ROBO1: variants seen among roughly 807,000 people sequenced by gnomAD.
ROBO1 encodes the protein roundabout guidance receptor 1, also known as roundabout homolog 1.
A neutral mutation model predicts 195.9 loss-of-function variants in ROBO1; 149 were observed. That is an observed-to-expected ratio of 0.76 (90% CI 0.67 to 0.87). The LOEUF (loss-of-function observed/expected upper bound fraction) is 0.87, where lower values mean the gene tolerates loss of function less well. Ranked by LOEUF, ROBO1 falls within the 40% of genes least tolerant of loss-of-function variation. The pLI, the probability that ROBO1 is intolerant of heterozygous loss-of-function variation, is 0.00. For synonymous variants in ROBO1, 816 were observed against 733.2 expected (o/e 1.11, Z -1.82); for missense variants, 1,933 against 2,068.3 (o/e 0.93, Z 1.27).
chr3:79,104,557 G>C (rs2079740802), intron 3 of ROBO1, among the ~76,000 whole-genome samples: 2 of 151,478 alleles, frequency 1.3e-5, no homozygotes, highest in Admixed American at 6.6e-5. Context: ...TTCTTATTGA[G>C]TTACTGCTTA....
intron 3 of ROBO1, among the ~76,000 whole-genome samples, chr3:79,057,496 A>G (rs1373467679): frequency 1.3e-5 from 2 of 151,978 alleles, no homozygotes; most frequent in African/African-American, 4.8e-5. Flanking sequence ...TGGCACACCA[A>G]ATCAAAATGG....
intron 3 of ROBO1, among the ~76,000 whole-genome samples, chr3:78,949,954 T>C (rs2040680803): frequency 6.6e-6 from 1 of 152,078 alleles, no homozygotes; most frequent in South Asian, 2.1e-4. Flanking sequence ...ATCAAAACTA[T>C]AATGAGATAC....
At chr3:79,060,068 G>C (rs914636368) in intron 3 of ROBO1, among the ~76,000 whole-genome samples, 1 of 151,960 alleles carries the variant, frequency 6.6e-6, no homozygotes, top group Non-Finnish European at 1.5e-5. Context: ...TCTCTAAAAT[G>C]GTCGCTCTGA....
chr3:79,097,162 C>T (rs2079585824), intron 3 of ROBO1, among the ~76,000 whole-genome samples: 3 of 151,758 alleles, frequency 2.0e-5, no homozygotes, highest in Non-Finnish European at 4.4e-5. Flanking sequence ...AGAGTCTACA[C>T]ATGGAACCAC....
chr3:79,095,463 G>C (rs1452412383), intron 3 of ROBO1, among the ~76,000 whole-genome samples: 2 of 151,974 alleles, frequency 1.3e-5, no homozygotes, highest in Non-Finnish European at 2.9e-5. Flanking sequence ...ACCAGCCACT[G>C]GTGACTAGCT....
intron 2 of ROBO1, among the ~76,000 whole-genome samples, chr3:79,354,613 C>A (rs566569986): frequency 6.6e-6 from 1 of 152,230 alleles, no homozygotes; most frequent in African/African-American, 2.4e-5. Flanking sequence ...TCAAGCACAG[C>A]AGGGCTCTCA....
intron 2 of ROBO1, among the ~76,000 whole-genome samples, chr3:79,473,294 T>C (rs1393602999): frequency 6.6e-6 from 1 of 151,980 alleles, no homozygotes; most frequent in Admixed American, 6.6e-5. Flanking sequence ...AGCCAAAGAA[T>C]GCGAAGGGTT....
intron 1 of ROBO1, among the ~76,000 whole-genome samples, chr3:79,729,342 A>G (rs1348043560): frequency 6.6e-6 from 1 of 152,190 alleles, no homozygotes; most frequent in East Asian, 1.9e-4. Flanking sequence ...GGTTATGACT[A>G]AAAGGCTTAC....
chr3:78,659,660 A>T (rs1575860815), intron 17 of ROBO1, 26 bp downstream of exon 17: 6 of 1,346,180 alleles, frequency 4.5e-6, no homozygotes, highest in East Asian at 2.8e-5. Flanking sequence ...TCAGGACATT[A>T]ATATATATAT....
At chr3:79,626,485 T>G (rs1213160711) in intron 1 of ROBO1, among the ~76,000 whole-genome samples, 3 of 152,102 alleles carry the variant, frequency 2.0e-5, no homozygotes, top group African/African-American at 7.2e-5. Flanking sequence ...AACTAGGTAT[T>G]GATGGACCAT....
chr3:79,714,170 A>T (rs899417516), intron 1 of ROBO1, among the ~76,000 whole-genome samples: 2 of 152,156 alleles, frequency 1.3e-5, no homozygotes, highest in Admixed American at 6.6e-5. Flanking sequence ...AAACAACTCC[A>T]TCAAAAAGTG....
At chr3:79,570,863 C>T (rs1169606063) in intron 2 of ROBO1, among the ~76,000 whole-genome samples, 2 of 152,046 alleles carry the variant, frequency 1.3e-5, no homozygotes, top group Non-Finnish European at 2.9e-5. Flanking sequence ...AATTAAAGTT[C>T]ATCATTACAG....
intron 1 of ROBO1, among the ~76,000 whole-genome samples, chr3:79,664,207 C>T (rs1946409242): frequency 6.6e-6 from 1 of 151,960 alleles, no homozygotes. Flanking sequence ...GGTCAATGAT[C>T]ACCTCTTAGT....
intron 3 of ROBO1, among the ~76,000 whole-genome samples, chr3:79,025,521 G>T (rs2108287539): frequency 6.6e-6 from 1 of 152,192 alleles, no homozygotes; most frequent in Admixed American, 6.5e-5. Context: ...CTGAATGAAT[G>T]AATGAGTTTT....
intron 21 of ROBO1, among the ~76,000 whole-genome samples, chr3:78,644,345 C>T (rs1237098670): frequency 6.6e-6 from 1 of 152,118 alleles, no homozygotes; most frequent in Non-Finnish European, 1.5e-5. Flanking sequence ...AATTTTTATA[C>T]ACTTTGCTTA....
chr3:79,766,818 T>C (rs1705025166), intron 1 of ROBO1, among the ~76,000 whole-genome samples: 1 of 152,176 alleles, frequency 6.6e-6, no homozygotes, highest in Non-Finnish European at 1.5e-5. Context: ...GTTTCATCAA[T>C]AATGCAGAGG....
chr3:79,641,889 G>A (rs1467801880), intron 1 of ROBO1, among the ~76,000 whole-genome samples: 5 of 152,006 alleles, frequency 3.3e-5, no homozygotes, highest in Admixed American at 6.6e-5. Flanking sequence ...CATGAGGCCT[G>A]GTACCTGTAG....
rs775718100 is a variant in ROBO1, at chr3:78,634,042, T to C, written c.3374A>G (p.Asp1125Gly). ...NIVEQNKLNK[D>G]YRANDTVPPT... ...AGGAACTGTGTCATTTGCTCGATAA[T>C]CTAGACATATCAGATGAAAAAACAA... Residue 1125 changes from aspartate (D) to glycine (G), a missense_variant and splice_region_variant, in exon 24 of 31, where the codon GAT becomes GGT. Transcript: ENST00000464233. The C allele has an allele frequency of 6.3e-7, 1 of 1,578,074 alleles. No homozygotes were observed. The highest frequency in any genetic ancestry group is 8.7e-7 in the Non-Finnish European group (1 of 1,152,936).
intron 1 of ROBO1, among the ~76,000 whole-genome samples, chr3:79,730,028 TAAC>T (rs1380313579): frequency 1.3e-5 from 2 of 152,218 alleles, no homozygotes; most frequent in Non-Finnish European, 2.9e-5. Context: ...TATTGCAAAT[TAAC>T]AAGCATTCAC....
Sources: allele counts gnomAD v4.1 joint callset (sites outside exome capture counted in the v4.1 genomes callset), GRCh38; gene constraint gnomAD v4.1.1; transcripts MANE v1.5; gene names NCBI Gene and HGNC (gene_info 2026-07-23, HGNC 2026-07-21).